The following GORASP2 variants were observed in gnomAD, a reference collection of about 807,000 sequenced individuals.
The protein encoded by GORASP2 is golgi reassembly stacking protein 2, also known as Golgi reassembly-stacking protein 2.
Under a neutral mutation model 45.7 loss-of-function variants are expected in GORASP2, and 22 were observed. The observed-to-expected ratio is 0.48, with a 90% CI of 0.34 to 0.69. The LOEUF is 0.69. GORASP2 is among the 30% of genes least tolerant of loss of function. The pLI, the probability that GORASP2 is intolerant of heterozygous loss-of-function variation, is 0.01. For synonymous variants in GORASP2, 221 were observed against 215.6 expected (o/e 1.02, Z -0.22); for missense variants, 491 against 562.7 (o/e 0.87, Z 1.29).
chr2:170,942,798 G>A (rs1361073612), intron 1 of GORASP2, among the ~76,000 whole-genome samples: 8 of 152,140 alleles, frequency 5.3e-5, no homozygotes, highest in African/African-American at 1.7e-4. Flanking sequence ...TTTCCACAGC[G>A]GCTACACCAT....
chr2:170,936,871 AG>A (rs1484851300), intron 1 of GORASP2: 1 of 246,858 alleles, frequency 4.1e-6, no homozygotes, highest in African/African-American at 2.2e-5. Context: ...CCTGGGTAAC[AG>A]CAGCGTCTCT....
chr2:170,961,693 A>G lies in GORASP2; in HGVS notation c.854A>G (p.Gln285Arg). The G allele has an allele frequency of 6.3e-7, 1 of 1,598,720 alleles. No individual in the cohort carries two copies. ...CCAACAGTACCGTTATTGCCACCAC[A>G]AGTAAACCAGTCCCTCACTTCTGTG... ...GVPTVPLLPP[Q>R]VNQSLTSVPP... Residue 285 changes from glutamine (Q) to arginine (R), a missense_variant, in exon 8 of 10, where the codon CAA (glutamine) becomes CGA (arginine). Around this residue, in one of 2 missense-constraint regions of GORASP2, gnomAD observed 297 missense variants for 292.3 expected, o/e 1.02. Coordinates refer to ENST00000234160, the MANE Select transcript of GORASP2 (RefSeq NM_015530.5).
At chr2:170,941,146 TGTA>T (rs1393232454) in intron 1 of GORASP2, among the ~76,000 whole-genome samples, 7 of 152,218 alleles carry the variant, frequency 4.6e-5, no homozygotes, top group Non-Finnish European at 7.4e-5. Flanking sequence ...TTCACGCTGC[TGTA>T]GTTTTTATTT....
chr2:170,929,782 T>C, intron 1 of GORASP2: 1 of 483,666 alleles, frequency 2.1e-6, no homozygotes, highest in Non-Finnish European at 4.2e-6. Context: ...GTCTCCAAAG[T>C]GGTGACTGTG....
chr2:170,929,695 T>A, intron 1 of GORASP2: 3 of 618,402 alleles, frequency 4.9e-6, no homozygotes, highest in Non-Finnish European at 3.1e-6. Context: ...AACCTTGCTC[T>A]TTTTCCGCAC....
intron 5 of GORASP2, chr2:170,954,374 T>G (rs1056074473): frequency 6.4e-6 from 2 of 312,520 alleles, no homozygotes; most frequent in African/African-American, 4.3e-5. Flanking sequence ...TGGATGGTGA[T>G]GAATTCTTGA....
intron 1 of GORASP2, chr2:170,929,886 G>A (rs553499029): frequency 3.4e-5 from 14 of 409,936 alleles, no homozygotes; most frequent in Admixed American, 3.2e-4. Context: ...CTCGGCGCCG[G>A]CCGAGTGGCC....
At chr2:170,931,961 C>T (rs1321440204) in intron 1 of GORASP2, among the ~76,000 whole-genome samples, 1 of 152,250 alleles carries the variant, frequency 6.6e-6, no homozygotes, top group Non-Finnish European at 1.5e-5. Context: ...CGCACAGTGG[C>T]TCACACCTGT....
In GORASP2 at chr2:170,929,414, C is replaced by G. The variant is rs1319009316; in HGVS notation, c.63+11C>G. 1.5e-6 allele frequency: 2 copies of G among 1,377,158 alleles called. No individual in the cohort carries two copies. Among genetic ancestry groups the G allele is most frequent in the Non-Finnish European group, 1.9e-6 (2 of 1,063,988 alleles). 85.3% of individuals were successfully genotyped at this position (1,377,158 alleles called of 1,614,324 possible). ...TACCACGTTCTGCGGGTAAGGGCTC[C>G]GACGGCGGCCGGGGAGCTGCGGGCT... On this transcript the variant is annotated intron_variant, in intron 1 of 9. Coordinates refer to ENST00000234160, the MANE Select transcript of GORASP2 (RefSeq NM_015530.5).
At chr2:170,940,039 G>T (rs1351867322) in intron 1 of GORASP2, among the ~76,000 whole-genome samples, 1 of 152,048 alleles carries the variant, frequency 6.6e-6, no homozygotes, top group Non-Finnish European at 1.5e-5. Flanking sequence ...GTCATTCAAT[G>T]GGGCTTTTCT....
chr2:170,960,276 A>G (rs1273941677), intron 7 of GORASP2, among the ~76,000 whole-genome samples: 2 of 152,192 alleles, frequency 1.3e-5, no homozygotes, highest in Non-Finnish European at 1.5e-5. Context: ...GTGCCCCCCA[A>G]AAAACTTGAA....
intron 1 of GORASP2, among the ~76,000 whole-genome samples, chr2:170,942,358 A>G (rs1366466356): frequency 6.6e-6 from 1 of 152,194 alleles, no homozygotes. Context: ...AAAGAAACCC[A>G]TATGTATTAG....
chr2:170,943,181 GTTTTACCCTTGACC>G lies in GORASP2; in HGVS notation c.64-5163_64-5150del, dbSNP rs150790630. ...TATGTTTTTCTCTACAGCGTTTATT[GTTTTACCCTTGACC>G]TTTTAGAGCTGCCATCCATCTGGAA... On this transcript the variant is annotated intron_variant, in intron 1 of 9. Transcript: ENST00000234160. 5.8e-3 allele frequency among the ~76,000 whole-genome samples: 886 copies of G among 152,184 alleles called. 10 individuals are homozygous for G. Among genetic ancestry groups the G allele is most frequent in the African/African-American group, 0.02 (820 of 41,520 alleles).
chr2:170,957,903 C>T (rs1260718923), intron 7 of GORASP2, among the ~76,000 whole-genome samples: 1 of 152,176 alleles, frequency 6.6e-6, no homozygotes, highest in African/African-American at 2.4e-5. Flanking sequence ...AAGTGATCAT[C>T]GTGCCTTGGC....
intron 9 of GORASP2, among the ~76,000 whole-genome samples, chr2:170,963,765 C>T (rs771909086): frequency 4.6e-5 from 7 of 152,112 alleles, no homozygotes; most frequent in Non-Finnish European, 8.8e-5. Context: ...ACCTCATCCT[C>T]CCAAGTAGCT....
intron 1 of GORASP2, among the ~76,000 whole-genome samples, chr2:170,944,286 T>G (rs77297369): frequency 0.017 from 2,627 of 152,306 alleles, 37 homozygotes; most frequent in Non-Finnish European, 0.026. Flanking sequence ...CTACAAAATA[T>G]AGGAAATTTC....
At chr2:170,933,808 TTCTC>T (rs1703882727) in intron 1 of GORASP2, among the ~76,000 whole-genome samples, 1 of 152,222 alleles carries the variant, frequency 6.6e-6, no homozygotes, top group African/African-American at 2.4e-5. Context: ...TTTTCATTCT[TTCTC>T]ATGCTTGCTT....
At chr2:170,935,686 C>G (rs553296228) in intron 1 of GORASP2, among the ~76,000 whole-genome samples, 5 of 151,634 alleles carry the variant, frequency 3.3e-5, no homozygotes, top group Non-Finnish European at 7.4e-5. Context: ...GATCCTCCCC[C>G]CTCTCAGCCT....
At chr2:170,930,930 A>G (rs553168668) in intron 1 of GORASP2, among the ~76,000 whole-genome samples, 3 of 151,412 alleles carry the variant, frequency 2.0e-5, no homozygotes, top group Admixed American at 6.6e-5. Flanking sequence ...TTTATAATAC[A>G]TGCACTCAGG....
Sources: allele counts gnomAD v4.1 joint callset (sites outside exome capture counted in the v4.1 genomes callset), GRCh38; gene constraint gnomAD v4.1.1; regional missense constraint gnomAD v4.1.1; transcripts MANE v1.5; gene names NCBI Gene and HGNC (gene_info 2026-07-23, HGNC 2026-07-21).